The following SOBP variants were observed in gnomAD, a reference collection of about 807,000 sequenced individuals.
SOBP encodes sine oculis binding protein homolog.
Under a neutral mutation model 53.6 loss-of-function variants are expected in SOBP, and 4 were observed. The ratio of observed to expected loss-of-function variants is 0.07; its 90% CI spans 0.04 to 0.17. The LOEUF (loss-of-function observed/expected upper bound fraction) is 0.17. SOBP is among the 10% of genes least tolerant of loss of function. The probability of loss-of-function intolerance (pLI) is 1.00; values close to 1 mark genes in which losing one functional copy is unlikely to be tolerated. For missense variants in SOBP, 1,088 were observed against 1,204.7 expected, an observed-to-expected ratio of 0.90 and a Z score of 1.43; for synonymous variants, 584 against 522.6, an observed-to-expected ratio of 1.12 and a Z score of -1.60.
intron 5 of SOBP, among the ~76,000 whole-genome samples, chr6:107,595,981 T>G (rs1179647381): frequency 6.6e-6 from 1 of 152,212 alleles, no homozygotes; most frequent in Non-Finnish European, 1.5e-5. Flanking sequence ...TTTTGCACAC[T>G]TCCTACACTT....
intron 5 of SOBP, among the ~76,000 whole-genome samples, chr6:107,600,277 C>CAT (rs1786130337): frequency 6.6e-6 from 1 of 152,186 alleles, no homozygotes; most frequent in African/African-American, 2.4e-5. Context: ...GGAAGAGCCA[C>CAT]ATACCTCCTT....
chr6:107,543,539 T>G (rs1244681922), intron 4 of SOBP, among the ~76,000 whole-genome samples: 1 of 152,116 alleles, frequency 6.6e-6, no homozygotes, highest in African/African-American at 2.4e-5. Flanking sequence ...CTCATTTTCC[T>G]CTGAAGCCCA....
At chr6:107,512,605 G>T (rs1325384733) in intron 3 of SOBP, among the ~76,000 whole-genome samples, 1 of 152,180 alleles carries the variant, frequency 6.6e-6, no homozygotes, top group Non-Finnish European at 1.5e-5. Flanking sequence ...GGGCAGGTTT[G>T]GGTCTCCCCA....
intron 3 of SOBP, among the ~76,000 whole-genome samples, chr6:107,527,427 G>A (rs9320219): frequency 0.019 from 2,930 of 152,270 alleles, 46 homozygotes; most frequent in East Asian, 0.054. Context: ...CAAGGATAGT[G>A]GTTTTACAGA....
rs1181469641 is a variant in SOBP at position 107,533,482 on chromosome 6, A to G, written c.445A>G (p.Ile149Val). 1.9e-6 allele frequency: 3 copies of G among 1,614,022 alleles called. No individual in the cohort carries two copies. Among genetic ancestry groups the G allele is most frequent in the Non-Finnish European group, 2.5e-6 (3 of 1,180,020 alleles). The change falls in exon 4 of 7, where the codon ATA (isoleucine) becomes GTA (valine). Residue 149 changes from isoleucine (I) to valine (V), a missense_variant. By Grantham distance (29) the Ile-to-Val change is conservative (BLOSUM62 3). Around this residue, in one of 6 missense-constraint regions of SOBP, gnomAD observed 112 missense variants for 117.9 expected, o/e 0.95. Coordinates refer to ENST00000317357, the MANE Select transcript of SOBP (RefSeq NM_018013.4). ...AGAAGATGATGTGTCAAATGTACAA[A>G]TAATGTGTGCCTGGTGCCAGAAAGT... ...PAEDDVSNVQ[I>V]MCAWCQKVGI...
At chr6:107,494,653 C>G (rs1022157276) in intron 1 of SOBP, among the ~76,000 whole-genome samples, 15 of 152,332 alleles carry the variant, frequency 9.8e-5, no homozygotes, top group Admixed American at 9.2e-4. Context: ...TGTTTAACTT[C>G]TTTATCAATT....
chr6:107,528,636 A>G (rs917989688), intron 3 of SOBP, among the ~76,000 whole-genome samples: 6 of 152,230 alleles, frequency 3.9e-5, no homozygotes, highest in Admixed American at 3.9e-4. Context: ...TTAACACTTC[A>G]GCTGTCTCCT....
chr6:107,506,923 G>A (rs1167697096), intron 3 of SOBP, among the ~76,000 whole-genome samples: 6 of 152,008 alleles, frequency 3.9e-5, no homozygotes, highest in South Asian at 2.1e-4. Context: ...TAGGTGTGGT[G>A]GCGGGCTAGT....
chr6:107,656,342 AGAGAAAGAAAGAAAGAAAGAAAGAAAGT>A (rs1219967529), intron 6 of SOBP, among the ~76,000 whole-genome samples: 46 of 3,420 alleles, frequency 0.013, 1 homozygote, highest in South Asian at 0.12. Flanking sequence ...AAAGAAAGAA[AGAGAAAGAAAGAAAGAAAGAAAGAAAGT>A]AAGTCAAATG....
At chr6:107,526,905 A>C (rs1369862172) in intron 3 of SOBP, among the ~76,000 whole-genome samples, 2 of 152,162 alleles carry the variant, frequency 1.3e-5, no homozygotes, top group African/African-American at 4.8e-5. Flanking sequence ...CTGTTTAGAG[A>C]GGAGTGGACT....
At chr6:107,494,244 CTAATG>C (rs1782646601) in intron 1 of SOBP, among the ~76,000 whole-genome samples, 1 of 152,246 alleles carries the variant, frequency 6.6e-6, no homozygotes, top group Admixed American at 6.5e-5. Flanking sequence ...GTGATTGTGT[CTAATG>C]TAATATGTCT....
rs34999238 is a variant in SOBP, at chr6:107,559,818, GT to G, written c.573+26211del. ...GATTAGTTTCTTTAATACACATGTA[GT>G]TTGTACCTTGTGGCAAACATAGACT... On this transcript the variant is annotated intron_variant, in intron 4 of 6. Transcript: ENST00000317357. Among the ~76,000 whole-genome samples the G allele has an allele frequency of 8.3e-3, 1,268 of 152,316 alleles. 75 individuals carry two copies. In the East Asian group the frequency reaches 0.17, roughly 20 times the overall value.
chr6:107,515,137 G>A (rs867229141), intron 3 of SOBP: 8 of 152,162 alleles, frequency 5.3e-5, no homozygotes, highest in Admixed American at 1.3e-4. Flanking sequence ...TGACAGAGAC[G>A]TCACATTAGT....
In SOBP at chr6:107,501,175, T is replaced by C. The variant is rs74489252; in HGVS notation, c.97-2482T>C. ...TGATTGTTCCATGAAGCCTCTGACT[T>C]TTCAGCACAAACCGTAAACTAAACT... On this transcript the variant is annotated intron_variant, in intron 1 of 6. Transcript: ENST00000317357. Among the ~76,000 whole-genome samples the C allele has an allele frequency of 5.7e-3, 865 of 152,338 alleles. 10 individuals carry two copies. Among genetic ancestry groups the C allele is most frequent in the African/African-American group, 0.02 (832 of 41,572 alleles).
intron 6 of SOBP, among the ~76,000 whole-genome samples, chr6:107,646,107 T>C (rs1309072464): frequency 6.6e-6 from 1 of 152,246 alleles, no homozygotes; most frequent in Middle Eastern, 3.2e-3. Flanking sequence ...ACTGAAAGAC[T>C]GACATTGCTA....
rs996500616 is a variant in SOBP, at chr6:107,564,907, G to A, written c.574-22173G>A. ...ACATCTCACTTGGGGAAATATTGAA[G>A]TGACATTTAACTCAGAAACAGACTG... On this transcript the variant is annotated intron_variant, in intron 4 of 6. Coordinates refer to ENST00000317357, the MANE Select transcript of SOBP (RefSeq NM_018013.4). 2.6e-5 allele frequency among the ~76,000 whole-genome samples: 4 copies of A among 152,324 alleles called. No individual in the cohort carries two copies. The East Asian group carries it at 7.7e-4, about 29-fold the overall frequency.
chr6:107,618,130 G>C (rs1236866960), intron 5 of SOBP, among the ~76,000 whole-genome samples: 1 of 152,054 alleles, frequency 6.6e-6, no homozygotes, highest in Non-Finnish European at 1.5e-5. Flanking sequence ...TGCGCGGCCC[G>C]TATGCCTTCT....
intron 5 of SOBP, among the ~76,000 whole-genome samples, chr6:107,618,208 A>T (rs1786870771): frequency 6.6e-6 from 1 of 152,220 alleles, no homozygotes; most frequent in African/African-American, 2.4e-5. Context: ...TGTGAACAGG[A>T]CAATAGAGAA....
intron 4 of SOBP, among the ~76,000 whole-genome samples, chr6:107,565,529 GAA>G (rs1784891003): frequency 1.3e-5 from 2 of 152,036 alleles, no homozygotes; most frequent in Non-Finnish European, 2.9e-5. Context: ...GGCGGAGAGA[GAA>G]AGAGAGAGAC....
Sources: allele counts gnomAD v4.1 joint callset (sites outside exome capture counted in the v4.1 genomes callset), GRCh38; gene constraint gnomAD v4.1.1; regional missense constraint gnomAD v4.1.1; transcripts MANE v1.5; gene names NCBI Gene and HGNC (gene_info 2026-07-23, HGNC 2026-07-21).